C4orf50: variants seen among roughly 807,000 people sequenced by gnomAD.
C4orf50 encodes the protein uncharacterized protein C4orf50.
A neutral mutation model predicts 77.2 loss-of-function variants in C4orf50; 80 were observed. The ratio of observed to expected loss-of-function variants is 1.04; its 90% CI spans 0.87 to 1.25. C4orf50 has a LOEUF of 1.25. C4orf50 is among the 50% of genes most tolerant of loss of function. The probability of loss-of-function intolerance (pLI) is 0.00; values close to 1 mark genes in which losing one functional copy is unlikely to be tolerated. For missense variants in C4orf50, 1,257 were observed against 1,152.9 expected (o/e 1.09, Z -1.31); for synonymous variants, 532 against 465.3 (o/e 1.14, Z -1.84).
intron 7 of C4orf50, among the ~76,000 whole-genome samples, chr4:5,910,914 T>C (rs1716778022): frequency 7.1e-6 from 1 of 141,400 alleles, no homozygotes; most frequent in African/African-American, 2.6e-5. Flanking sequence ...TTTCTTTTTT[T>C]TTTTTTTTTT....
At chr4:5,946,270 G>T (rs1361888031) in intron 7 of C4orf50, among the ~76,000 whole-genome samples, 1 of 152,172 alleles carries the variant, frequency 6.6e-6, no homozygotes, top group Non-Finnish European at 1.5e-5. Flanking sequence ...CCAGGCTGGG[G>T]CTTGAGGGGG....
intron 7 of C4orf50, among the ~76,000 whole-genome samples, chr4:5,944,712 G>A (rs1255267401): frequency 6.6e-6 from 1 of 152,144 alleles, no homozygotes; most frequent in Non-Finnish European, 1.5e-5. Context: ...GGAGCAGGCA[G>A]CCTGCTGGGA....
At chr4:5,980,471 T>C (rs1453401012) in intron 28 of C4orf50, 133 bp from the exon 7 acceptor site, 11 of 763,982 alleles carry the variant, frequency 1.4e-5, no homozygotes, top group Non-Finnish European at 2.3e-5. Context: ...CTTATATTTC[T>C]CTTACAGTAA....
chr4:5,940,716 C>A (rs1456523900), intron 7 of C4orf50, among the ~76,000 whole-genome samples: 3 of 152,178 alleles, frequency 2.0e-5, no homozygotes, highest in Admixed American at 2.0e-4. Context: ...ACTGGCCTTG[C>A]CACATGCTTA....
chr4:5,919,149 G>A lies in C4orf50; in HGVS notation c.*2475-20961C>T, dbSNP rs76586500. On this transcript the variant is annotated intron_variant, in intron 7 of 7. Transcript: ENST00000324058. This position sits in a 1 kb window ranked among gnomAD's most constrained non-coding sequence, Gnocchi z 6.5. ...CGGTAGCGGGGAATGCTGGGGTGTGGGGGCAACGTCAGATCGCAGGACTCC... is the reference window on the plus strand; with the variant it reads ...CGGTAGCGGGGAATGCTGGGGTGTGAGGGCAACGTCAGATCGCAGGACTCC... 0.029 allele frequency among the ~76,000 whole-genome samples: 4,396 copies of A among 152,242 alleles called. 209 individuals carry two copies. Among genetic ancestry groups the A allele is most frequent in the African/African-American group, 0.099 (4,099 of 41,540 alleles).
intron 32 of C4orf50, among the ~76,000 whole-genome samples, chr4:5,966,661 T>G (rs1413751742): frequency 9.6e-4 from 65 of 67,472 alleles, no homozygotes; most frequent in Non-Finnish European, 2.1e-3. Flanking sequence ...CTTAAGAGGT[T>G]TTTTTTTTTT....
At chr4:5,941,026 G>A (rs751264447) in intron 7 of C4orf50, among the ~76,000 whole-genome samples, 1 of 152,184 alleles carries the variant, frequency 6.6e-6, no homozygotes, top group Non-Finnish European at 1.5e-5. Flanking sequence ...ACCCTGCAGA[G>A]CCAATCTACA....
At chr4:5,909,402 A>G (rs140158009) in intron 7 of C4orf50, among the ~76,000 whole-genome samples, 9 of 152,326 alleles carry the variant, frequency 5.9e-5, no homozygotes, top group Admixed American at 4.6e-4. Flanking sequence ...TGTATATTCT[A>G]TATAGTAATG....
intron 7 of C4orf50, among the ~76,000 whole-genome samples, chr4:5,926,760 G>A (rs890047627): frequency 2.0e-5 from 3 of 152,234 alleles, no homozygotes; most frequent in Admixed American, 2.0e-4. Flanking sequence ...GCAGCGCCCA[G>A]GCCCACCCTG....
intron 7 of C4orf50, among the ~76,000 whole-genome samples, chr4:5,935,883 C>T (rs926207941): frequency 6.7e-6 from 1 of 148,988 alleles, no homozygotes; most frequent in Non-Finnish European, 1.5e-5. Flanking sequence ...ATGTATTTGT[C>T]AGGAAGGTTA....
At chr4:5,920,764 C>T (rs1382847437) in intron 7 of C4orf50, among the ~76,000 whole-genome samples, 1 of 152,216 alleles carries the variant, frequency 6.6e-6, no homozygotes, top group African/African-American at 2.4e-5. Flanking sequence ...GCGTGAGCCA[C>T]AGCACCTGGC....
At chr4:5,912,052 C>CA (rs1198425198) in intron 7 of C4orf50, among the ~76,000 whole-genome samples, 7 of 137,282 alleles carry the variant, frequency 5.1e-5, no homozygotes, top group Non-Finnish European at 9.2e-5. Context: ...TCTTGCAAAA[C>CA]AAAAAAACAA....
At chr4:5,980,025 T>TA in intron 29 of C4orf50, 149 bp downstream of exon 7, 1 of 486,850 alleles carries the variant, frequency 2.1e-6, no homozygotes, top group Non-Finnish European at 3.6e-6. Flanking sequence ...GTTTTTTTTT[T>TA]CCTGGTACTG....
chr4:6,008,039 C>A lies in C4orf50; in HGVS notation c.920G>T (p.Arg307Leu). Residue 307 changes from arginine to leucine, a missense_variant, in exon 25 of 34, where the codon CGA becomes CTA. Coordinates refer to ENST00000531445, the Ensembl canonical transcript of C4orf50. The surrounding 1 kb of genome is among the most constrained non-coding windows in gnomAD (Gnocchi z 6.0). ...AGGGGCCTGGGCTCCCAGCTCCTCT[C>A]GCAGGCACTGGTTTTGCTGGGCGAG... is the stretch of plus-strand genomic sequence containing the variant. The A allele has an allele frequency of 2.5e-6, 1 of 399,334 alleles. No homozygotes were observed. The highest frequency in any genetic ancestry group is 4.4e-6 in the Non-Finnish European group (1 of 226,308). 24.7% of individuals were successfully genotyped at this position (399,334 alleles called of 1,614,324 possible). A position where few individuals can be genotyped will look rare whatever the true frequency, so the allele number is the denominator to read the frequency against.
At position 6,017,620 on chromosome 4, in the gene C4orf50, T is replaced by G. The variant is rs1722728969; in HGVS notation, c.287+525A>C. Among the ~76,000 whole-genome samples the G allele has an allele frequency of 6.6e-6, 1 of 152,058 alleles. No homozygotes were observed. Among genetic ancestry groups the G allele is most frequent in the Admixed American group, 6.5e-5 (1 of 15,270 alleles). ...GCAAGCCTTCCAGAGCACACATGCT[T>G]TTTCCCCAGGATATAAGCCCTGGGT... On this transcript the variant is annotated intron_variant, in intron 23 of 33. Coordinates refer to ENST00000531445, the Ensembl canonical transcript of C4orf50. This position sits in a 1 kb window ranked among gnomAD's most constrained non-coding sequence, Gnocchi z 4.7.
At chr4:5,937,005 A>C (rs925313637) in intron 7 of C4orf50, among the ~76,000 whole-genome samples, 8 of 152,166 alleles carry the variant, frequency 5.3e-5, no homozygotes, top group African/African-American at 1.9e-4. Flanking sequence ...ATTCTATATG[A>C]AGCTAAATGA....
chr4:5,936,520 C>T, intron 7 of C4orf50, among the ~76,000 whole-genome samples: 1 of 146,026 alleles, frequency 6.8e-6, no homozygotes, highest in Admixed American at 7.0e-5. Context: ...CGAGATCGCA[C>T]CACTGCACTC....
rs558620651 is a variant in C4orf50, at chr4:5,992,496, C to T, written c.1221+307G>A. Among the ~76,000 whole-genome samples the T allele has an allele frequency of 6.6e-6, 1 of 152,144 alleles. No individual in the cohort carries two copies. The highest frequency in any genetic ancestry group is 1.9e-4 in the East Asian group (1 of 5,158). On this transcript the variant is annotated intron_variant, in intron 27 of 33. Transcript: ENST00000531445. The surrounding 1 kb of genome is among the most constrained non-coding windows in gnomAD (Gnocchi z 5.0). ...ACAGCAGCCCTTGGAGTCTCATCTC[C>T]TCTCCAGAGCAGAGGTGGCAGCAAC...
chr4:5,961,998 C>A (rs1719301464), intron 33 of C4orf50, among the ~76,000 whole-genome samples: 1 of 152,230 alleles, frequency 6.6e-6, no homozygotes, highest in African/African-American at 2.4e-5. Flanking sequence ...AGCCCAGATA[C>A]ATGGCTTGCT....
Sources: gnomAD v4.1 joint callset for allele counts (sites outside exome capture counted in the v4.1 genomes callset) on GRCh38, gnomAD v4.1.1 for gene constraint, Gnocchi (gnomAD v3.1) non-coding constraint, MANE v1.5 for transcripts, NCBI Gene and HGNC (gene_info 2026-07-23, HGNC 2026-07-21) for gene names.